PUM2: variants seen among roughly 807,000 people sequenced by gnomAD.
The protein encoded by PUM2 is pumilio RNA binding family member 2.
Under a neutral mutation model 124.5 loss-of-function variants are expected in PUM2, and 57 were observed. The observed-to-expected ratio is 0.46, with a 90% CI of 0.37 to 0.57. The LOEUF (loss-of-function observed/expected upper bound fraction) is 0.57. Ranked by LOEUF, PUM2 falls within the 20% of genes least tolerant of loss-of-function variation. The pLI, the probability that PUM2 is intolerant of heterozygous loss-of-function variation, is 0.00. For synonymous variants in PUM2, 460 were observed against 446.1 expected (o/e 1.03, Z -0.39); for missense variants, 1,065 against 1,290.6 (o/e 0.83, Z 2.68).
At chr2:20,337,478 T>C (rs991373588) in intron 1 of PUM2, among the ~76,000 whole-genome samples, 2 of 152,182 alleles carry the variant, frequency 1.3e-5, no homozygotes, top group Non-Finnish European at 2.9e-5. Flanking sequence ...ATACTTACTA[T>C]TCTCTCTACA....
At chr2:20,339,873 C>T (rs925854463) in intron 1 of PUM2, among the ~76,000 whole-genome samples, 8 of 151,846 alleles carry the variant, frequency 5.3e-5, no homozygotes, top group Admixed American at 3.3e-4. Context: ...CCAGCCTGGG[C>T]GATGAGTGAA....
rs1663336679 is a variant in PUM2 at position 20,251,617 on chromosome 2, G to T, written c.3163C>A (p.Pro1055Thr). 3.1e-6 allele frequency: 5 copies of T among 1,613,738 alleles called. No homozygotes were observed. Among genetic ancestry groups the T allele is most frequent in the Middle Eastern group, 3.3e-4 (2 of 6,060 alleles). ...ATTCCATTTGGTGGTCCTCCAATAGGTCCTAGGTCCGGGCTATTCTTCAAA... is the reference window on the plus strand; with the variant it reads ...ATTCCATTTGGTGGTCCTCCAATAGTTCCTAGGTCCGGGCTATTCTTCAAA... ...YYLKNSPDLG[P>T]IGGPPNGML The change falls in exon 21 of 21, where the codon CCT becomes ACT. Residue 1055 changes from proline to threonine, a missense_variant. By Grantham distance (38) the Pro-to-Thr change is conservative. Around this residue, in one of 3 missense-constraint regions of PUM2, gnomAD observed 968 missense variants for 1,159.8 expected, o/e 0.83. Coordinates refer to ENST00000361078, the MANE Select transcript of PUM2 (RefSeq NM_015317.5).
At chr2:20,305,391 T>C (rs1027717549) in intron 7 of PUM2, among the ~76,000 whole-genome samples, 4 of 144,586 alleles carry the variant, frequency 2.8e-5, no homozygotes, top group Non-Finnish European at 4.5e-5. Flanking sequence ...GATGAAAGGA[T>C]TGCTTCAGCC....
intron 1 of PUM2, among the ~76,000 whole-genome samples, chr2:20,349,238 A>C (rs1688836739): frequency 6.6e-6 from 1 of 152,252 alleles, no homozygotes; most frequent in South Asian, 2.1e-4. Flanking sequence ...CTAGACCTGT[A>C]AACAAAATTT....
chr2:20,351,510 G>A (rs1408748965), upstream of PUM2, among the ~76,000 whole-genome samples: 1 of 152,210 alleles, frequency 6.6e-6, no homozygotes, highest in Non-Finnish European at 1.5e-5. Flanking sequence ...TTCTCCAGCT[G>A]GGCCAGTGAT....
chr2:20,320,726 CTTCT>C (rs1034024944), intron 2 of PUM2, among the ~76,000 whole-genome samples: 4 of 151,900 alleles, frequency 2.6e-5, no homozygotes, highest in African/African-American at 7.3e-5. Context: ...ACTTGTATTC[CTTCT>C]ATTTTAAAAA....
At chr2:20,307,293 C>T (rs1678569713) in intron 7 of PUM2, among the ~76,000 whole-genome samples, 1 of 152,100 alleles carries the variant, frequency 6.6e-6, no homozygotes, top group Non-Finnish European at 1.5e-5. Flanking sequence ...AAGAATATGA[C>T]ATTAAGGAAA....
At chr2:20,260,644 C>T (rs367875902) in intron 14 of PUM2, among the ~76,000 whole-genome samples, 178 bp from the exon 15 acceptor site, 168 of 152,076 alleles carry the variant, frequency 1.1e-3, no homozygotes, top group African/African-American at 3.9e-3. Context: ...CTTTATAACA[C>T]CTTATCTAAA....
chr2:20,327,710 G>GT (rs35465716), intron 1 of PUM2, among the ~76,000 whole-genome samples: 4 of 151,956 alleles, frequency 2.6e-5, no homozygotes, highest in East Asian at 1.9e-4. Context: ...TTGGTTGTTT[G>GT]TTTTTTTTAA....
At position 20,249,641 on chromosome 2, in the gene PUM2, T is replaced by A. The variant is rs575094629; in HGVS notation, c.*1944A>T. On this transcript the variant is annotated 3_prime_UTR_variant, in exon 21 of 21. Coordinates refer to ENST00000361078, the MANE Select transcript of PUM2 (RefSeq NM_015317.5). ...AAAACCTTTAGATTCCATATTGTGC[T>A]CAGAAGATTGCGTTTCTTCTGCAGA... 7 of 152,766 alleles carry A rather than the reference T, an allele frequency of 4.6e-5. No individual in the cohort carries two copies. In the South Asian group the frequency reaches 1.4e-3, roughly 32 times the overall value. 9.5% of individuals were successfully genotyped at this position (152,766 alleles called of 1,614,324 possible).
chr2:20,322,513 G>A (rs1313125098), intron 2 of PUM2, among the ~76,000 whole-genome samples: 1 of 152,092 alleles, frequency 6.6e-6, no homozygotes, highest in African/African-American at 2.4e-5. Context: ...AGGAGGCTGA[G>A]ATGGGAGGAT....
intron 7 of PUM2, among the ~76,000 whole-genome samples, chr2:20,305,811 C>CATAAA: frequency 6.6e-6 from 1 of 152,062 alleles, no homozygotes; most frequent in East Asian, 1.9e-4. Context: ...ACATAAAATA[C>CATAAA]ATAAAATAAA....
chr2:20,342,119 ACT>A (rs1482808535), intron 1 of PUM2, among the ~76,000 whole-genome samples: 1 of 140,274 alleles, frequency 7.1e-6, no homozygotes, highest in Admixed American at 7.5e-5. Context: ...ACAGAGTGAG[ACT>A]CTGTCTCAAA....
intron 1 of PUM2, among the ~76,000 whole-genome samples, 194 bp from the exon 2 acceptor site, chr2:20,327,572 G>A (rs1683977807): frequency 1.3e-5 from 2 of 152,152 alleles, no homozygotes; most frequent in South Asian, 4.1e-4. Flanking sequence ...AAAACATTAG[G>A]TCAAGGGTTC....
At chr2:20,266,497 A>T (rs917522376) in intron 13 of PUM2, among the ~76,000 whole-genome samples, 1 of 152,034 alleles carries the variant, frequency 6.6e-6, no homozygotes, top group Admixed American at 6.5e-5. Context: ...ACCAAAAAAA[A>T]AAAAAGAGAA....
At position 20,283,239 on chromosome 2, in the gene PUM2, A is replaced by G. The variant is rs1006933335; in HGVS notation, c.1436-8T>C. On this transcript the variant is annotated splice_region_variant and splice_polypyrimidine_tract_variant and intron_variant, in intron 11 of 20. Coordinates refer to ENST00000361078, the MANE Select transcript of PUM2 (RefSeq NM_015317.5). ...CAGCTGCTGCTGCTGCTGCTGTAAA[A>G]TAAATTTCAGATACTTCTTTAAACC... 2 of 1,610,508 alleles carry G rather than the reference A, an allele frequency of 1.2e-6. No homozygotes were observed. Among genetic ancestry groups the G allele is most frequent in the African/African-American group, 2.7e-5 (2 of 74,728 alleles).
rs758967608 is a variant in PUM2, at chr2:20,248,990, G to C, written c.*2595C>G. On this transcript the variant is annotated 3_prime_UTR_variant, in exon 21 of 21. Transcript: ENST00000361078. ...GCCAACTTACTAAAAGGTAAAAATT[G>C]GGGTGGGCACCCAAAATGGCAGACT... 4 of 152,172 alleles carry C rather than the reference G, an allele frequency of 2.6e-5. No individual in the cohort carries two copies. Among genetic ancestry groups the C allele is most frequent in the Non-Finnish European group, 5.9e-5 (4 of 68,036 alleles). The allele number at this position is 152,172 out of a possible 1,614,324, so 9.4% of individuals were successfully genotyped here.
At chr2:20,349,545 C>T (rs1688903318) in intron 1 of PUM2, among the ~76,000 whole-genome samples, 1 of 151,212 alleles carries the variant, frequency 6.6e-6, no homozygotes, top group South Asian at 2.1e-4. Flanking sequence ...TACAGGATTC[C>T]TTAAGTCATC....
At chr2:20,303,887 C>A (rs1346131314) in intron 7 of PUM2, among the ~76,000 whole-genome samples, 1 of 152,162 alleles carries the variant, frequency 6.6e-6, no homozygotes, top group African/African-American at 2.4e-5. Context: ...TGGCTCACAC[C>A]CTTTATCTCT....
Sources: allele counts gnomAD v4.1 joint callset (sites outside exome capture counted in the v4.1 genomes callset), GRCh38; gene constraint gnomAD v4.1.1; regional missense constraint gnomAD v4.1.1; transcripts MANE v1.5; gene names NCBI Gene and HGNC (gene_info 2026-07-23, HGNC 2026-07-21).